The following ATP1B3 variants were observed in gnomAD, a reference collection of about 807,000 sequenced individuals.
ATP1B3 encodes sodium/potassium-transporting ATPase subunit beta-3.
ATP1B3 carries 10 observed loss-of-function variants against 30.2 expected under a neutral mutation model. The ratio of observed to expected loss-of-function variants is 0.33; its 90% CI spans 0.20 to 0.56. ATP1B3 has a LOEUF of 0.56. ATP1B3 is among the 20% of genes least tolerant of loss of function. The pLI is 0.90. For missense variants in ATP1B3, 238 were observed against 336.7 expected (o/e 0.71, Z 2.29); for synonymous variants, 113 against 117.0 (o/e 0.97, Z 0.22).
intron 1 of ATP1B3, among the ~76,000 whole-genome samples, chr3:141,881,276 G>C (rs935304922): frequency 6.6e-6 from 1 of 151,886 alleles, no homozygotes; most frequent in Admixed American, 6.6e-5. Flanking sequence ...CTACTTGTGA[G>C]CTTCTTTGGG....
At position 141,892,808 on chromosome 3, in the gene ATP1B3, G is replaced by C. The variant is rs1431440706; in HGVS notation, c.110-10812G>C. ...TACAAGGAACGTTTTGGACATGATG[G>C]TAATGTTCTATATCTTTAATGGAGC... On this transcript the variant is annotated intron_variant, in intron 1 of 6. Transcript: ENST00000286371. Among the ~76,000 whole-genome samples, 3 of 152,114 alleles carry C rather than the reference G, an allele frequency of 2.0e-5. No homozygotes were observed. In the East Asian group the frequency reaches 5.8e-4, roughly 29 times the overall value.
At chr3:141,882,614 G>A (rs1025536106) in intron 1 of ATP1B3, among the ~76,000 whole-genome samples, 6 of 151,978 alleles carry the variant, frequency 3.9e-5, no homozygotes, top group East Asian at 1.9e-4. Flanking sequence ...ATAGAGTTTC[G>A]CTCTTGTTGC....
At chr3:141,885,097 C>T (rs1391095588) in intron 1 of ATP1B3, among the ~76,000 whole-genome samples, 1 of 152,118 alleles carries the variant, frequency 6.6e-6, no homozygotes, top group Non-Finnish European at 1.5e-5. Context: ...CTGTATTGCT[C>T]CTATTTTTGC....
At chr3:141,907,363 T>A in intron 3 of ATP1B3, 89 bp downstream of exon 3, 1 of 1,016,070 alleles carries the variant, frequency 9.8e-7, no homozygotes, top group Non-Finnish European at 1.4e-6. Flanking sequence ...CTCACGCCTG[T>A]AATCCCAGCA....
intron 1 of ATP1B3, among the ~76,000 whole-genome samples, chr3:141,897,179 C>T (rs1303691484): frequency 6.6e-6 from 1 of 152,158 alleles, no homozygotes; most frequent in African/African-American, 2.4e-5. Context: ...TGTGGTACTC[C>T]ATCTCATCAC....
In ATP1B3 at chr3:141,916,000, A is replaced by T; in HGVS notation, c.562A>T (p.Arg188Trp). The T allele has an allele frequency of 6.2e-7, 1 of 1,607,272 alleles. No homozygotes were observed. Among genetic ancestry groups the T allele is most frequent in the Non-Finnish European group, 8.5e-7 (1 of 1,176,580 alleles). The change falls in exon 5 of 7, where the codon AGG (arginine) becomes TGG (tryptophan). Residue 188 changes from arginine to tryptophan, a missense_variant. Around this residue, in one of 3 missense-constraint regions of ATP1B3, gnomAD observed 58 missense variants for 125.6 expected, o/e 0.46. Coordinates refer to ENST00000286371, the MANE Select transcript of ATP1B3 (RefSeq NM_001679.4). ...TGGATTAAAGCCTGAAGGAGTGCCA[A>T]GGATAGATTGTGTTTCAAAGGTTAG... Reference protein sequence around the residue: ...IIGLKPEGVPRIDCVSKNEDI... With the variant: ...IIGLKPEGVPWIDCVSKNEDI...
chr3:141,902,120 T>C lies in ATP1B3; in HGVS notation c.110-1500T>C, dbSNP rs1012924291. 14 of 1,289,222 alleles carry C rather than the reference T, an allele frequency of 1.1e-5. No individual in the cohort carries two copies. The African/African-American group carries it at 2.1e-4, about 20-fold the overall frequency. The allele number at this position is 1,289,222 out of a possible 1,614,324, so 79.9% of individuals were successfully genotyped here. A position where few individuals can be genotyped will look rare whatever the true frequency, so the allele number is the denominator to read the frequency against. On this transcript the variant is annotated intron_variant, in intron 1 of 6. Transcript: ENST00000286371. ...GTTTACTTCTTTGAGATTGGTCTTT[T>C]CTTTTTCTGCAACAGGATCGCAGTA...
chr3:141,876,945 C>G lies in ATP1B3; in HGVS notation c.109+35C>G, dbSNP rs201050651. ...CAGCAGCTGGGCGTCCGGGGCCGGCCTCGGTCCCGGGGGCGCCGGGCGCGG... is the reference window on the plus strand; with the variant it reads ...CAGCAGCTGGGCGTCCGGGGCCGGCGTCGGTCCCGGGGGCGCCGGGCGCGG... On this transcript the variant is annotated intron_variant, in intron 1 of 6. Transcript: ENST00000286371. 1,316 of 1,508,214 alleles carry G rather than the reference C, an allele frequency of 8.7e-4. 8 individuals carry two copies. The African/African-American group carries it at 0.017, about 19-fold the overall frequency. The allele number at this position is 1,508,214 out of a possible 1,614,324, so 93.4% of individuals were successfully genotyped here.
intron 1 of ATP1B3, among the ~76,000 whole-genome samples, chr3:141,878,477 ACCTTCCTC>A (rs1480690262): frequency 6.6e-6 from 1 of 152,186 alleles, no homozygotes; most frequent in Non-Finnish European, 1.5e-5. Flanking sequence ...TTGATAGGCT[ACCTTCCTC>A]CCTTTCTCCC....
intron 2 of ATP1B3, among the ~76,000 whole-genome samples, chr3:141,905,363 G>A (rs776551954): frequency 3.3e-5 from 5 of 152,078 alleles, no homozygotes; most frequent in Admixed American, 1.3e-4. Context: ...TGTGAATAGA[G>A]GCCAGGGATG....
At chr3:141,883,450 C>G (rs989426336) in intron 1 of ATP1B3, among the ~76,000 whole-genome samples, 1 of 151,988 alleles carries the variant, frequency 6.6e-6, no homozygotes, top group East Asian at 1.9e-4. Flanking sequence ...TCCAGGAGGT[C>G]GAGGCTACAA....
chr3:141,896,150 G>A (rs1405301083), intron 1 of ATP1B3, among the ~76,000 whole-genome samples: 5 of 151,950 alleles, frequency 3.3e-5, no homozygotes, highest in African/African-American at 9.7e-5. Context: ...CCAGGAGTTT[G>A]AGAGCAGCCT....
At chr3:141,916,256 A>T in intron 5 of ATP1B3, 3 of 522,904 alleles carry the variant, frequency 5.7e-6, no homozygotes, top group South Asian at 5.0e-5. Context: ...CATATACCGT[A>T]TTTCATCAAT....
chr3:141,911,020 T>C (rs962316757), intron 3 of ATP1B3, among the ~76,000 whole-genome samples: 1 of 152,082 alleles, frequency 6.6e-6, no homozygotes, highest in Non-Finnish European at 1.5e-5. Flanking sequence ...CAATTTTCTT[T>C]ATCTCTTTTG....
At chr3:141,903,131 T>A (rs1433447172) in intron 1 of ATP1B3, 1 of 154,558 alleles carries the variant, frequency 6.5e-6, no homozygotes, top group East Asian at 1.9e-4. Flanking sequence ...GCATTACAGG[T>A]GGGAGCCATT....
intron 1 of ATP1B3, among the ~76,000 whole-genome samples, chr3:141,899,540 C>T (rs1559868729): frequency 1.3e-5 from 2 of 152,066 alleles, no homozygotes; most frequent in Non-Finnish European, 2.9e-5. Context: ...GTGACTTTTC[C>T]CTGTGTCCAG....
At chr3:141,880,760 A>G (rs1352283293) in intron 1 of ATP1B3, among the ~76,000 whole-genome samples, 2 of 152,204 alleles carry the variant, frequency 1.3e-5, no homozygotes, top group African/African-American at 4.8e-5. Context: ...CTCATAGTCC[A>G]AAAACTCTTG....
At chr3:141,924,785 T>C (rs570072413) in intron 6 of ATP1B3, among the ~76,000 whole-genome samples, 98 of 152,000 alleles carry the variant, frequency 6.4e-4, no homozygotes, top group Middle Eastern at 3.4e-3. Flanking sequence ...TGAAACCCCG[T>C]CTATTAAAAA....
At chr3:141,885,923 A>ACACACACC (rs1553743564) in intron 1 of ATP1B3, among the ~76,000 whole-genome samples, 2 of 141,090 alleles carry the variant, frequency 1.4e-5, no homozygotes, top group Non-Finnish European at 3.1e-5. Context: ...ACACACACAC[A>ACACACACC]CCCCTGTAGT....
Sources: allele counts gnomAD v4.1 joint callset (sites outside exome capture counted in the v4.1 genomes callset), GRCh38; gene constraint gnomAD v4.1.1; regional missense constraint gnomAD v4.1.1; transcripts MANE v1.5; gene names NCBI Gene and HGNC (gene_info 2026-07-23, HGNC 2026-07-21).